Variants in TRIM5 observed in about 807,000 individuals in gnomAD.
TRIM5 encodes the protein tripartite motif-containing protein 5.
Under a neutral mutation model 35.6 loss-of-function variants are expected in TRIM5, and 31 were observed. The observed-to-expected ratio is 0.87, with a 90% confidence interval of 0.65 to 1.18. TRIM5 has a LOEUF of 1.18. Among genes scored for constraint, TRIM5 ranks in the 50% most tolerant of loss-of-function variants. TRIM5 has a pLI of 0.00. For missense variants in TRIM5, 609 were observed against 591.6 expected, an observed-to-expected ratio of 1.03 and a Z score of -0.31; for synonymous variants, 243 against 215.6, an observed-to-expected ratio of 1.13 and a Z score of -1.11.
At chr11:5,683,495 T>G (rs1260694544) in intron 1 of TRIM5, among the ~76,000 whole-genome samples, 1 of 151,968 alleles carries the variant, frequency 6.6e-6, no homozygotes, top group Non-Finnish European at 1.5e-5. Context: ...CTAGCTACTC[T>G]GGTGGGGACT....
intron 4 of TRIM5, among the ~76,000 whole-genome samples, chr11:5,677,694 G>T (rs753542398): frequency 1.4e-4 from 21 of 152,172 alleles, no homozygotes; most frequent in Non-Finnish European, 3.1e-4. Context: ...CTCCCAAAGT[G>T]CTGGGATTAC....
At chr11:5,623,534 A>ATTTT in the TRIM5 span, among the ~76,000 whole-genome samples, 80 of 126,614 alleles carry the variant, frequency 6.3e-4, no homozygotes, top group East Asian at 3.3e-3. Context: ...TGCCCGGCTA[A>ATTTT]TTTTTTTTTT....
At chr11:5,597,043 A>C in the TRIM5 span, 2 of 1,484,242 alleles carry the variant, frequency 1.3e-6, no homozygotes, top group Non-Finnish European at 1.8e-6. Context: ...TTCTCACTGC[A>C]AATGACCCCA....
chr11:5,616,940 T>C, the TRIM5 span, among the ~76,000 whole-genome samples: 1 of 143,338 alleles, frequency 7.0e-6, no homozygotes, highest in Non-Finnish European at 1.5e-5. Flanking sequence ...TTTCACCATG[T>C]TGGCCAGGCT....
chr11:5,597,221 T>C, the TRIM5 span, among the ~76,000 whole-genome samples: 1 of 152,156 alleles, frequency 6.6e-6, no homozygotes, highest in Non-Finnish European at 1.5e-5. Flanking sequence ...GTTTCTTCCA[T>C]CTATAAGATG....
chr11:5,604,527 C>T, the TRIM5 span: 11 of 1,608,082 alleles, frequency 6.8e-6, no homozygotes, highest in Non-Finnish European at 9.3e-6. Flanking sequence ...GATTTGTTTT[C>T]TTCAAGGAGA....
At chr11:5,643,182 C>T in the TRIM5 span, 1 of 1,580,452 alleles carries the variant, frequency 6.3e-7, no homozygotes, top group Non-Finnish European at 8.6e-7. Flanking sequence ...AAATTTGAAT[C>T]TTGTCCTTTC....
chr11:5,642,992 C>A, the TRIM5 span: 1 of 1,351,854 alleles, frequency 7.4e-7, no homozygotes, highest in African/African-American at 1.5e-5. Flanking sequence ...TTTACCCCTC[C>A]AATTCATCAG....
chr11:5,606,430 C>G, the TRIM5 span, among the ~76,000 whole-genome samples: 1 of 152,086 alleles, frequency 6.6e-6, no homozygotes, highest in Non-Finnish European at 1.5e-5. Context: ...TTGTGATATT[C>G]TGTAACCTTC....
the TRIM5 span, chr11:5,634,999 C>G: frequency 6.2e-6 from 5 of 811,476 alleles, no homozygotes; most frequent in Non-Finnish European, 9.2e-6. Context: ...ATGTCATGGA[C>G]ATGAATGACA....
the TRIM5 span, among the ~76,000 whole-genome samples, chr11:5,653,475 C>T: frequency 4.0e-5 from 6 of 149,450 alleles, no homozygotes; most frequent in East Asian, 7.8e-4. Context: ...CTGTTTTTTC[C>T]GATTTTTTTT....
At chr11:5,663,125 AAAACAAACAAAC>A (rs71053290), downstream of TRIM5, 138,371 of 511,056 alleles carry the variant, frequency 0.27, 20,166 homozygotes, top group Non-Finnish European at 0.3. Context: ...ACCCTGTCTC[AAAACAAACAAAC>A]AAACAAACAA....
At chr11:5,656,646 G>A in the TRIM5 span, among the ~76,000 whole-genome samples, 2 of 151,810 alleles carry the variant, frequency 1.3e-5, no homozygotes, top group Non-Finnish European at 1.5e-5. Flanking sequence ...GAGCCACTAC[G>A]ACAGGCCATG....
intron 4 of TRIM5, among the ~76,000 whole-genome samples, chr11:5,677,095 T>A (rs984914072): frequency 1.3e-5 from 2 of 151,536 alleles, no homozygotes; most frequent in Admixed American, 6.6e-5. Context: ...AAGACAAAAT[T>A]GACAAATGGG....
the TRIM5 span, chr11:5,643,827 T>A: frequency 7.6e-7 from 1 of 1,315,778 alleles, no homozygotes; most frequent in Non-Finnish European, 1.0e-6. Context: ...CTTTTACTCA[T>A]CCTTGAGATG....
At chr11:5,666,420 T>G in intron 5 of TRIM5, 2 of 246,032 alleles carry the variant, frequency 8.1e-6, no homozygotes, top group Non-Finnish European at 1.6e-5. Flanking sequence ...AAAACAAAAC[T>G]TTGGTGCCTT....
chr11:5,611,875 A>C, the TRIM5 span: 1 of 152,646 alleles, frequency 6.6e-6, no homozygotes, highest in African/African-American at 2.4e-5. Flanking sequence ...GCCATTAAGC[A>C]TAGTATTTGA....
At chr11:5,609,372 A>G in the TRIM5 span, among the ~76,000 whole-genome samples, 1 of 152,156 alleles carries the variant, frequency 6.6e-6, no homozygotes, top group African/African-American at 2.4e-5. Context: ...CCCAGGGCCT[A>G]AGCCCACAGA....
chr11:5,603,436 A>C, the TRIM5 span: 1 of 1,614,028 alleles, frequency 6.2e-7, no homozygotes, highest in Non-Finnish European at 8.5e-7. Flanking sequence ...CATCACACCA[A>C]ATGGCAGGGA....
Sources: allele counts gnomAD v4.1 joint callset (sites outside exome capture counted in the v4.1 genomes callset), GRCh38; gene constraint gnomAD v4.1.1; transcripts MANE v1.5; gene names NCBI Gene and HGNC (gene_info 2026-07-23, HGNC 2026-07-21).